NSG1: variants seen among roughly 807,000 people sequenced by gnomAD.
NSG1 encodes neuronal vesicle trafficking-associated protein 1.
Under a neutral mutation model 19.3 loss-of-function variants are expected in NSG1, and 9 were observed. The ratio of observed to expected loss-of-function variants is 0.47; its 90% CI spans 0.28 to 0.81. NSG1 has a LOEUF of 0.81. Ranked by LOEUF, NSG1 falls within the 40% of genes least tolerant of loss-of-function variation. The pLI is 0.11. For missense variants in NSG1, 236 were observed against 242.4 expected (o/e 0.97, Z 0.18); for synonymous variants, 104 against 107.0 (o/e 0.97, Z 0.17).
At chr4:4,414,985 T>A (rs1462372119) in intron 4 of NSG1, among the ~76,000 whole-genome samples, 1 of 152,128 alleles carries the variant, frequency 6.6e-6, no homozygotes, top group East Asian at 1.9e-4. Flanking sequence ...AATTACTACA[T>A]GTTTTATAAA....
intron 4 of NSG1, among the ~76,000 whole-genome samples, chr4:4,411,086 C>T (rs1724153694): frequency 6.6e-6 from 1 of 152,096 alleles, no homozygotes. Context: ...GAACTCCTGA[C>T]CTCAGGTGAT....
chr4:4,395,160 C>G (rs550097336), intron 3 of NSG1, among the ~76,000 whole-genome samples: 1 of 152,364 alleles, frequency 6.6e-6, no homozygotes, highest in African/African-American at 2.4e-5. Context: ...ACCTAGCTCC[C>G]TGCCCACTTG....
chr4:4,402,892 G>A (rs1723644127), intron 3 of NSG1, among the ~76,000 whole-genome samples: 1 of 152,362 alleles, frequency 6.6e-6, no homozygotes, highest in Non-Finnish European at 1.5e-5. Context: ...ATCAACCCAC[G>A]GGGCGTGGAT....
At chr4:4,391,701 C>G in intron 3 of NSG1, 110 bp downstream of exon 3, 1 of 636,566 alleles carries the variant, frequency 1.6e-6, no homozygotes, top group Non-Finnish European at 2.7e-6. Context: ...TTTGTCTGGG[C>G]TCATCCCAGC....
intron 3 of NSG1, among the ~76,000 whole-genome samples, chr4:4,399,391 C>T (rs994745887): frequency 1.3e-5 from 2 of 152,202 alleles, no homozygotes; most frequent in African/African-American, 2.4e-5. Context: ...ATTCCTCCTG[C>T]CTTGGGCTCC....
intron 3 of NSG1, among the ~76,000 whole-genome samples, chr4:4,394,324 A>G (rs957266414): frequency 5.9e-5 from 9 of 152,096 alleles, no homozygotes; most frequent in African/African-American, 1.9e-4. Context: ...CCCATCCCCA[A>G]GGCCTTCAGA....
chr4:4,411,613 G>A (rs768514174), intron 4 of NSG1, among the ~76,000 whole-genome samples: 5 of 152,108 alleles, frequency 3.3e-5, no homozygotes, highest in Non-Finnish European at 7.4e-5. Context: ...GCATGGTGGC[G>A]GGTGCCTGTA....
chr4:4,403,425 G>A (rs1005608174), intron 3 of NSG1, among the ~76,000 whole-genome samples: 3 of 152,088 alleles, frequency 2.0e-5, no homozygotes, highest in African/African-American at 4.8e-5. Context: ...CCCGTCCTCC[G>A]CCGTCATATC....
chr4:4,387,824 AC>A (rs1722812895), intron 2 of NSG1, 66 bp downstream of exon 2: 1 of 1,354,938 alleles, frequency 7.4e-7, no homozygotes, highest in Non-Finnish European at 1.0e-6. Flanking sequence ...GGCGGGCGCA[AC>A]AAAAGAAACG....
At chr4:4,398,899 A>T (rs1723405099) in intron 3 of NSG1, among the ~76,000 whole-genome samples, 1 of 152,216 alleles carries the variant, frequency 6.6e-6, no homozygotes, top group Non-Finnish European at 1.5e-5. Flanking sequence ...TTACATTGCC[A>T]TTAGCAATGC....
At chr4:4,387,561 C>CCGGGGGGGGGTGGGGG in intron 1 of NSG1, 43 bp from the exon 2 acceptor site, 1 of 1,141,992 alleles carries the variant, frequency 8.8e-7, no homozygotes, top group Non-Finnish European at 1.2e-6. Flanking sequence ...CGCCCCGCCC[C>CCGGGGGGGGGTGGGGG]GGGTCTTGCT....
intron 3 of NSG1, among the ~76,000 whole-genome samples, chr4:4,408,468 T>G (rs565550088): frequency 2.9e-4 from 44 of 152,242 alleles, no homozygotes; most frequent in Non-Finnish European, 6.0e-4. Context: ...TTTTATTGAT[T>G]GATTTATTTT....
intron 1 of NSG1, 42 bp from the exon 2 acceptor site, chr4:4,387,562 G>A (rs926524018): frequency 3.1e-6 from 1 of 319,720 alleles, no homozygotes; most frequent in Non-Finnish European, 5.4e-6. Flanking sequence ...GCCCCGCCCC[G>A]GGTCTTGCTT....
chr4:4,412,874 G>A (rs1432691281), intron 4 of NSG1, among the ~76,000 whole-genome samples: 1 of 152,226 alleles, frequency 6.6e-6, no homozygotes, highest in East Asian at 1.9e-4. Flanking sequence ...TGGCTTGGCA[G>A]CTGTCACTGG....
chr4:4,391,365 A>G (rs369047486), intron 2 of NSG1, 110 bp from the exon 3 acceptor site: 3 of 694,888 alleles, frequency 4.3e-6, no homozygotes, highest in South Asian at 2.0e-5. Flanking sequence ...GTTCTTGTGA[A>G]TTTCTTCCTG....
At chr4:4,411,370 C>G (rs945703836) in intron 4 of NSG1, among the ~76,000 whole-genome samples, 43 of 152,204 alleles carry the variant, frequency 2.8e-4, no homozygotes, top group African/African-American at 9.2e-4. Flanking sequence ...TCCACAGTAT[C>G]ACCGCCTTCT....
chr4:4,397,904 C>T lies in NSG1; in HGVS notation c.246+6313C>T, dbSNP rs180999923. Among the ~76,000 whole-genome samples the T allele has an allele frequency of 2.7e-3, 407 of 152,216 alleles. 2 individuals carry two copies. Among genetic ancestry groups the T allele is most frequent in the Middle Eastern group, 0.024 (7 of 294 alleles). ...TTGTCAGCACACCCACAATAGTTTG[C>T]GACACCAGCCTCCCGCCTCTCTCCT... On this transcript the variant is annotated intron_variant, in intron 3 of 4. Coordinates refer to ENST00000621129, the MANE Select transcript of NSG1 (RefSeq NM_014392.5).
chr4:4,411,986 C>T (rs1013267043), intron 4 of NSG1, among the ~76,000 whole-genome samples: 13 of 152,080 alleles, frequency 8.5e-5, no homozygotes, highest in African/African-American at 2.2e-4. Context: ...ATGTGCAAGA[C>T]GTTTATACAG....
At chr4:4,405,633 C>T (rs1035540270) in intron 3 of NSG1, among the ~76,000 whole-genome samples, 2 of 152,178 alleles carry the variant, frequency 1.3e-5, no homozygotes, top group African/African-American at 2.4e-5. Context: ...CATGCTGTGC[C>T]CTGCAGTGGC....
Sources: gnomAD v4.1 joint callset for allele counts (sites outside exome capture counted in the v4.1 genomes callset) on GRCh38, gnomAD v4.1.1 for gene constraint, MANE v1.5 for transcripts, NCBI Gene and HGNC (gene_info 2026-07-23, HGNC 2026-07-21) for gene names.